The following MSH3 variants were observed in gnomAD, a reference collection of about 807,000 sequenced individuals.
MSH3 encodes the protein mutS homolog 3, also known as DNA mismatch repair protein Msh3.
MSH3 carries 106 observed loss-of-function variants against 123.3 expected under a neutral mutation model. The ratio of observed to expected loss-of-function variants is 0.86; its 90% confidence interval spans 0.73 to 1.01. MSH3 has a LOEUF of 1.01. Among genes scored for constraint, MSH3 ranks in the 50% least tolerant of loss-of-function variants. The pLI, the probability that MSH3 is intolerant of heterozygous loss-of-function variation, is 0.00. For synonymous variants in MSH3, 515 were observed against 481.4 expected (o/e 1.07, Z -0.91); for missense variants, 1,459 against 1,347.6 (o/e 1.08, Z -1.29).
intron 17 of MSH3, among the ~76,000 whole-genome samples, chr5:80,784,987 C>A (rs1744478583): frequency 6.6e-6 from 1 of 152,036 alleles, no homozygotes; most frequent in African/African-American, 2.4e-5. Flanking sequence ...ATGTACAATA[C>A]CTTATTCTAA....
intron 23 of MSH3, among the ~76,000 whole-genome samples, chr5:80,873,677 G>T (rs912264013): frequency 6.6e-6 from 1 of 152,124 alleles, no homozygotes; most frequent in Non-Finnish European, 1.5e-5. Flanking sequence ...AATTCTATCA[G>T]AGCATTAATG....
chr5:80,699,581 A>G (rs1463260864), intron 8 of MSH3, among the ~76,000 whole-genome samples: 2 of 128,536 alleles, frequency 1.6e-5, no homozygotes, highest in East Asian at 4.6e-4. Context: ...AAAAAAAAAA[A>G]GGTTGTTGGA....
chr5:80,666,887 C>G (rs1309165268), intron 3 of MSH3, among the ~76,000 whole-genome samples: 1 of 152,160 alleles, frequency 6.6e-6, no homozygotes, highest in Admixed American at 6.6e-5. Flanking sequence ...CTGAATTGTC[C>G]AGACAAGGTT....
Position 80,654,959 on chromosome 5 carries a change from C to T in MSH3, c.232C>T (p.His78Tyr), listed in dbSNP as rs1313363087. Residue 78 changes from histidine (H) to tyrosine (Y), a missense_variant, in exon 1 of 24, where the codon CAC becomes TAC. Transcript: ENST00000265081. ...APAFPPQLPP[H>Y]IATEIDRRKK... is the part of the protein sequence containing the mutation. The stretch of plus-strand genomic sequence containing the variant: ...CGCCTTCCCGCCCCAGCTGCCGCCG[C>T]ACATAGTAGGTTCTGTCTGGGACTG... 4 of 1,476,318 alleles carry T rather than the reference C, an allele frequency of 2.7e-6. No homozygotes were observed. The highest frequency in any genetic ancestry group is 2.7e-5 in the East Asian group (1 of 36,766). 91.5% of individuals were successfully genotyped at this position (1,476,318 alleles called of 1,614,324 possible).
At chr5:80,815,476 A>G (rs1176569286) in intron 20 of MSH3, among the ~76,000 whole-genome samples, 1 of 152,214 alleles carries the variant, frequency 6.6e-6, no homozygotes, top group East Asian at 1.9e-4. Flanking sequence ...GTTTGTAGAT[A>G]CAAGTAAAAT....
At chr5:80,714,877 G>T (rs1346101512) in intron 8 of MSH3, among the ~76,000 whole-genome samples, 5 of 152,278 alleles carry the variant, frequency 3.3e-5, no homozygotes, top group South Asian at 2.1e-4. Context: ...GATAAAAATT[G>T]ATAAGAACTT....
intron 10 of MSH3, among the ~76,000 whole-genome samples, chr5:80,729,517 A>G (rs1743373196): frequency 6.7e-6 from 1 of 149,104 alleles, no homozygotes; most frequent in South Asian, 2.1e-4. Context: ...CATGATAGCT[A>G]TTTGATATAT....
intron 18 of MSH3, among the ~76,000 whole-genome samples, chr5:80,791,335 ACTT>A (rs1369245353): frequency 1.3e-5 from 2 of 152,198 alleles, no homozygotes; most frequent in East Asian, 1.9e-4. Flanking sequence ...GATTTCAAAA[ACTT>A]CTTCAAGTAT....
chr5:80,838,981 T>TA (rs1745566640), intron 20 of MSH3, among the ~76,000 whole-genome samples: 1 of 152,196 alleles, frequency 6.6e-6, no homozygotes, highest in Non-Finnish European at 1.5e-5. Context: ...GCCTTAGCCC[T>TA]AAAATAAGAA....
intron 8 of MSH3, among the ~76,000 whole-genome samples, chr5:80,700,813 A>G (rs2035256): frequency 0.45 from 69,162 of 152,056 alleles, 15,829 homozygotes; most frequent in East Asian, 0.63. Flanking sequence ...GTTTATTGAT[A>G]GTCGAATAGG....
intron 20 of MSH3, among the ~76,000 whole-genome samples, chr5:80,842,620 T>C (rs1054974358): frequency 5.9e-5 from 9 of 152,210 alleles, no homozygotes; most frequent in Non-Finnish European, 1.0e-4. Flanking sequence ...AAGAGGTCTT[T>C]CACATCCCTT....
chr5:80,810,172 C>CATATATATATATATATATAT (rs113702568), intron 19 of MSH3, among the ~76,000 whole-genome samples: 1,463 of 121,152 alleles, frequency 0.012, 32 homozygotes, highest in African/African-American at 0.016. Context: ...GTTTGACATA[C>CATATATATATATATATATAT]ATATATATAT....
intron 3 of MSH3, among the ~76,000 whole-genome samples, chr5:80,668,833 C>T (rs1460208829): frequency 6.6e-6 from 1 of 152,198 alleles, no homozygotes; most frequent in Non-Finnish European, 1.5e-5. Context: ...TTTGCAGCCA[C>T]AACTGGGCAG....
intron 12 of MSH3, among the ~76,000 whole-genome samples, chr5:80,751,677 T>TA (rs947136043): frequency 7.1e-4 from 108 of 152,314 alleles, no homozygotes; most frequent in African/African-American, 2.5e-3. Flanking sequence ...GACATGGTCA[T>TA]ATTGGATTAG....
At chr5:80,669,363 G>T (rs541028898) in intron 3 of MSH3, among the ~76,000 whole-genome samples, 2 of 152,024 alleles carry the variant, frequency 1.3e-5, no homozygotes, top group African/African-American at 4.8e-5. Flanking sequence ...TGACAGAGTG[G>T]CAATTAATTA....
chr5:80,862,898 T>C (rs1333174872), intron 21 of MSH3, among the ~76,000 whole-genome samples: 3 of 152,214 alleles, frequency 2.0e-5, no homozygotes, highest in Non-Finnish European at 4.4e-5. Context: ...TTAATCAACA[T>C]TTAATAACGA....
At chr5:80,677,519 T>G (rs186053604) in intron 7 of MSH3, among the ~76,000 whole-genome samples, 47 of 152,356 alleles carry the variant, frequency 3.1e-4, no homozygotes, top group African/African-American at 1.0e-3. Context: ...CCTTATGTAC[T>G]GATAGTCCAT....
At chr5:80,795,003 A>G (rs1371388238) in intron 19 of MSH3, among the ~76,000 whole-genome samples, 1 of 152,244 alleles carries the variant, frequency 6.6e-6, no homozygotes, top group Non-Finnish European at 1.5e-5. Flanking sequence ...GGAAATGTTA[A>G]GCAAGGTGGT....
At chr5:80,808,134 C>T (rs1241765313) in intron 19 of MSH3, among the ~76,000 whole-genome samples, 40 of 152,214 alleles carry the variant, frequency 2.6e-4, no homozygotes. Context: ...CAATAGTCTT[C>T]TAATTATTTG....
Sources: gnomAD v4.1 joint callset for allele counts (sites outside exome capture counted in the v4.1 genomes callset) on GRCh38, gnomAD v4.1.1 for gene constraint, MANE v1.5 for transcripts, NCBI Gene and HGNC (gene_info 2026-07-23, HGNC 2026-07-21) for gene names.